Variants in PSMA6 observed in about 807,000 individuals in gnomAD.
PSMA6 encodes the protein proteasome 20S subunit alpha 6.
For missense variants in PSMA6, 170 were observed against 294.8 expected (o/e 0.58, Z 3.10); for synonymous variants, 88 against 97.7 (o/e 0.90, Z 0.59).
intron 1 of PSMA6, among the ~76,000 whole-genome samples, chr14:35,306,294 C>T (rs1358730176): frequency 3.3e-5 from 5 of 150,910 alleles, no homozygotes; most frequent in African/African-American, 1.2e-4. Context: ...TGGTGGCTCA[C>T]GCCTGTAATC....
intron 1 of PSMA6, among the ~76,000 whole-genome samples, chr14:35,280,871 C>T (rs2051359464): frequency 6.6e-6 from 1 of 152,194 alleles, no homozygotes; most frequent in Non-Finnish European, 1.5e-5. Flanking sequence ...GGATTACAGG[C>T]ATGCACCACC....
intron 1 of PSMA6, among the ~76,000 whole-genome samples, chr14:35,279,285 G>T (rs1379788805): frequency 7.9e-5 from 12 of 152,048 alleles, no homozygotes; most frequent in Admixed American, 7.9e-4. Context: ...GACCTCAGGT[G>T]ATCCGCCCAC....
At chr14:35,312,801 A>G in intron 4 of PSMA6, 80 bp from the exon 5 acceptor site, 3 of 1,272,324 alleles carry the variant, frequency 2.4e-6, no homozygotes, top group Non-Finnish European at 3.2e-6. Flanking sequence ...GATTAGCAGC[A>G]GCTATGTGAC....
intron 5 of PSMA6, 34 bp from the exon 6 acceptor site, chr14:35,314,327 A>C: frequency 6.5e-7 from 1 of 1,547,738 alleles, no homozygotes; most frequent in Non-Finnish European, 8.7e-7. Context: ...TCTCTAAAAA[A>C]TACTATATTT....
upstream of PSMA6, among the ~76,000 whole-genome samples, chr14:35,291,337 C>G (rs1250236903): frequency 6.6e-6 from 1 of 152,068 alleles, no homozygotes; most frequent in Non-Finnish European, 1.5e-5. Context: ...CCTGCCTCAG[C>G]CTCCCAAGTA....
At chr14:35,304,973 G>T (rs2051796811) in intron 1 of PSMA6, among the ~76,000 whole-genome samples, 1 of 152,052 alleles carries the variant, frequency 6.6e-6, no homozygotes, top group Admixed American at 6.6e-5. Context: ...AGCTGCTCAG[G>T]AGACTGAAGT....
chr14:35,293,410 C>G (rs2051526072), intron 1 of PSMA6: 1 of 160,636 alleles, frequency 6.2e-6, no homozygotes. Flanking sequence ...TGATCTCTTA[C>G]CATAGAGAAT....
chr14:35,285,111 C>T (rs1323440430), intron 1 of PSMA6, among the ~76,000 whole-genome samples: 1 of 151,892 alleles, frequency 6.6e-6, no homozygotes, highest in Non-Finnish European at 1.5e-5. Flanking sequence ...TTTGGGAGGC[C>T]GAGGCAGGAG....
chr14:35,285,346 AACAAAAAAC>A lies in PSMA6; in HGVS notation c.19+6630_19+6638del, dbSNP rs1477546972. On this transcript the variant is annotated intron_variant, in intron 1 of 6. Transcript: ENST00000540871. ...CAGAGCAAAACTCTATCTCAAAAAA[AACAAAAAAC>A]AAAAAAAAAAACCGTAGCACACTCT... Among the ~76,000 whole-genome samples, 56 of 34,762 alleles carry A rather than the reference AACAAAAAAC, an allele frequency of 1.6e-3. 3 individuals are homozygous for A. The highest frequency in any genetic ancestry group is 2.6e-3 in the African/African-American group (56 of 21,186). 22.8% of individuals were successfully genotyped at this position (34,762 alleles called of 152,430 possible).
At chr14:35,287,283 C>T (rs908452234) in intron 1 of PSMA6, among the ~76,000 whole-genome samples, 1 of 152,214 alleles carries the variant, frequency 6.6e-6, no homozygotes, top group African/African-American at 2.4e-5. Flanking sequence ...ACATCCCTAG[C>T]TCTGTCCTTA....
Position 35,312,973 on chromosome 14 carries a change from G to A in PSMA6, c.502G>A (p.Ala168Thr). 2 of 1,583,804 alleles carry A rather than the reference G, an allele frequency of 1.3e-6. No homozygotes were observed. The highest frequency in any genetic ancestry group is 1.7e-6 in the Non-Finnish European group (2 of 1,171,448). The change falls in exon 5 of 7, where the codon GCG (alanine) becomes ACG (threonine). Residue 168 changes from alanine to threonine, a missense_variant. Ala to Thr is a moderately conservative substitution (Grantham distance 58). Coordinates refer to ENST00000261479, the MANE Select transcript of PSMA6 (RefSeq NM_002791.3). ...CTACTGTGGGTTTAAAGCCACTGCA[G>A]CGGGAGTTAAACAAACTGAGTCAAC... is the stretch of plus-strand genomic sequence containing the variant. Reference protein sequence around the residue: ...GYYCGFKATAAGVKQTESTSF... With the variant: ...GYYCGFKATATGVKQTESTSF...
chr14:35,308,151 G>A, intron 2 of PSMA6, 63 bp downstream of exon 2: 2 of 1,584,958 alleles, frequency 1.3e-6, no homozygotes, highest in African/African-American at 2.7e-5. Context: ...GCCAAGTGCA[G>A]TGGCTCACAC....
chr14:35,291,630 C>T (rs1207314110), upstream of PSMA6, among the ~76,000 whole-genome samples: 1 of 151,898 alleles, frequency 6.6e-6, no homozygotes, highest in Non-Finnish European at 1.5e-5. Flanking sequence ...TCGAGAGCTG[C>T]CTGACCAACA....
chr14:35,299,795 C>A (rs1355015019), intron 1 of PSMA6, among the ~76,000 whole-genome samples: 1 of 152,150 alleles, frequency 6.6e-6, no homozygotes, highest in East Asian at 1.9e-4. Flanking sequence ...TAAAACATTT[C>A]ATGGTGGTAG....
chr14:35,310,205 T>C (rs891712897), intron 3 of PSMA6: 4 of 420,870 alleles, frequency 9.5e-6, no homozygotes, highest in African/African-American at 2.1e-5. Context: ...TTTTTTTTTT[T>C]TGGAGACAGA....
intron 1 of PSMA6, among the ~76,000 whole-genome samples, chr14:35,283,385 GAA>G (rs1433421639): frequency 3.3e-5 from 5 of 150,534 alleles, no homozygotes; most frequent in African/African-American, 9.8e-5. Flanking sequence ...AAAAGAGAGA[GAA>G]AGAGAAAAAA....
chr14:35,310,644 G>A (rs2051926792), intron 3 of PSMA6, 96 bp from the exon 4 acceptor site: 38 of 1,242,454 alleles, frequency 3.1e-5, no homozygotes, highest in Non-Finnish European at 4.0e-5. Flanking sequence ...ACTCATGTAT[G>A]TCTATATGGT....
chr14:35,311,072 G>A (rs1001492151), intron 4 of PSMA6, 177 bp downstream of exon 4: 11 of 578,616 alleles, frequency 1.9e-5, no homozygotes, highest in Middle Eastern at 4.6e-4. Context: ...ACAGTATGTC[G>A]GGCATTATCT....
At chr14:35,305,365 G>A (rs909414691) in intron 1 of PSMA6, among the ~76,000 whole-genome samples, 6 of 151,994 alleles carry the variant, frequency 3.9e-5, no homozygotes, top group African/African-American at 1.4e-4. Context: ...GGGACTCCGG[G>A]GCTCAAGCAG....
Sources: allele counts gnomAD v4.1 joint callset (sites outside exome capture counted in the v4.1 genomes callset), GRCh38; gene constraint gnomAD v4.1.1; transcripts MANE v1.5; gene names NCBI Gene and HGNC (gene_info 2026-07-23, HGNC 2026-07-21).